XNDC1N: variants seen among roughly 807,000 people sequenced by gnomAD.
XNDC1N encodes protein XNDC1N.
At chr11:71,877,596 C>A in the XNDC1N span, among the ~76,000 whole-genome samples, 1 of 152,230 alleles carries the variant, frequency 6.6e-6, no homozygotes, top group Non-Finnish European at 1.5e-5. Flanking sequence ...CAAGATCGCA[C>A]CACTGCGCTC....
the XNDC1N span, among the ~76,000 whole-genome samples, chr11:71,885,642 G>T: frequency 6.6e-6 from 1 of 152,060 alleles, no homozygotes; most frequent in African/African-American, 2.4e-5. Flanking sequence ...CAATATCACA[G>T]GTGGGTGTAC....
the XNDC1N span, among the ~76,000 whole-genome samples, chr11:71,886,098 G>C: frequency 4.0e-5 from 6 of 151,872 alleles, no homozygotes; most frequent in Non-Finnish European, 5.9e-5. Flanking sequence ...GAGAGCAGCC[G>C]TAGACTGGGA....
At chr11:71,890,688 C>A in the XNDC1N span, among the ~76,000 whole-genome samples, 1 of 152,026 alleles carries the variant, frequency 6.6e-6, no homozygotes, top group Non-Finnish European at 1.5e-5. Flanking sequence ...TTGTGAACAA[C>A]CCCTGCGATA....
the XNDC1N span, chr11:71,884,740 A>G: frequency 2.2e-6 from 2 of 929,008 alleles, no homozygotes; most frequent in East Asian, 2.7e-5. Flanking sequence ...GCATTTTAAC[A>G]TTTACTCCCT....
chr11:71,917,449 C>T, the XNDC1N span: 1 of 642,684 alleles, frequency 1.6e-6, no homozygotes, highest in Non-Finnish European at 2.8e-6. Context: ...ACAAATCTCA[C>T]ACACAAGCAC....
At chr11:71,893,770 A>T in the XNDC1N span, 1 of 1,116,658 alleles carries the variant, frequency 9.0e-7, no homozygotes, top group Non-Finnish European at 1.2e-6. Context: ...CCTGACACAG[A>T]TTTCCTTCTT....
chr11:71,897,475 G>A, the XNDC1N span, among the ~76,000 whole-genome samples: 271 of 152,306 alleles, frequency 1.8e-3, no homozygotes, highest in African/African-American at 6.0e-3. Flanking sequence ...AGCATCTAAG[G>A]TGATGTTCAA....
At chr11:71,894,541 T>C in the XNDC1N span, 1 of 155,550 alleles carries the variant, frequency 6.4e-6, no homozygotes, top group African/African-American at 2.4e-5. Flanking sequence ...TTTGTGAATA[T>C]TGCTTTCTTC....
the XNDC1N span, among the ~76,000 whole-genome samples, chr11:71,899,699 C>T: frequency 6.6e-6 from 1 of 152,192 alleles, no homozygotes; most frequent in South Asian, 2.1e-4. Context: ...GGGAGCCCTG[C>T]CCTTGAAAGC....
chr11:71,894,291 G>A, the XNDC1N span: 1,098 of 403,920 alleles, frequency 2.7e-3, no homozygotes, highest in South Asian at 4.4e-3. Flanking sequence ...GTGTGATGGC[G>A]TCAGTGATGT....
the XNDC1N span, chr11:71,918,833 G>T: frequency 4.3e-6 from 3 of 697,622 alleles, no homozygotes; most frequent in Admixed American, 2.0e-5. Flanking sequence ...AGTTAGAGGG[G>T]ACTGTCATTC....
At chr11:71,919,605 G>GTTTTTTTTT in the XNDC1N span, among the ~76,000 whole-genome samples, 10 of 10,898 alleles carry the variant, frequency 9.2e-4, no homozygotes, top group African/African-American at 1.2e-3. Context: ...GGCCAGGTTG[G>GTTTTTTTTT]TTTTTTTTTT....
At chr11:71,876,036 T>C in the XNDC1N span, among the ~76,000 whole-genome samples, 2 of 151,244 alleles carry the variant, frequency 1.3e-5, no homozygotes, top group African/African-American at 4.9e-5. Context: ...AATAAATAAA[T>C]AAATAAGAAA....
chr11:71,900,773 T>C, the XNDC1N span, among the ~76,000 whole-genome samples: 1 of 152,218 alleles, frequency 6.6e-6, no homozygotes, highest in South Asian at 2.1e-4. Context: ...GCTTGTTTCA[T>C]TTCATCTGCG....
the XNDC1N span, among the ~76,000 whole-genome samples, chr11:71,883,510 CG>C: frequency 6.6e-6 from 1 of 152,092 alleles, no homozygotes; most frequent in Non-Finnish European, 1.5e-5. Context: ...TTCTTCAATA[CG>C]TGGTACTAAG....
chr11:71,927,305 G>A, the XNDC1N span, among the ~76,000 whole-genome samples: 7 of 152,122 alleles, frequency 4.6e-5, no homozygotes, highest in Non-Finnish European at 8.8e-5. Context: ...AGGCCGAGGC[G>A]GGTGGATCAC....
the XNDC1N span, among the ~76,000 whole-genome samples, chr11:71,917,995 A>C: frequency 6.6e-6 from 1 of 152,160 alleles, no homozygotes; most frequent in African/African-American, 2.4e-5. Context: ...CCCAGCCAGA[A>C]ACCTTCCCCT....
At chr11:71,877,688 A>T in the XNDC1N span, among the ~76,000 whole-genome samples, 2 of 152,220 alleles carry the variant, frequency 1.3e-5, no homozygotes, top group Admixed American at 6.5e-5. Context: ...CTCTTTAAGC[A>T]TTCCCTACGG....
the XNDC1N span, chr11:71,903,403 G>A: frequency 1.7e-5 from 24 of 1,395,944 alleles, no homozygotes; most frequent in South Asian, 6.9e-5. Context: ...GCCTGACATC[G>A]GTTTCACCTC....
Sources: gnomAD v4.1 joint callset for allele counts (sites outside exome capture counted in the v4.1 genomes callset) on GRCh38, gnomAD v4.1.1 for gene constraint, MANE v1.5 for transcripts, NCBI Gene and HGNC (gene_info 2026-07-23, HGNC 2026-07-21) for gene names.